PIAS2: variants seen among roughly 807,000 people sequenced by gnomAD.
The protein encoded by PIAS2 is protein inhibitor of activated STAT 2, also known as E3 SUMO-protein ligase PIAS2.
In PIAS2, 19 loss-of-function variants were observed where a neutral mutation model predicts 69.7. The ratio of observed to expected loss-of-function variants is 0.27; its 90% CI spans 0.19 to 0.40. The LOEUF (loss-of-function observed/expected upper bound fraction) is 0.40, where lower values mean the gene tolerates loss of function less well. PIAS2 is among the 10% of genes least tolerant of loss of function. The pLI is 1.00. For synonymous variants in PIAS2, 261 were observed against 263.2 expected, an observed-to-expected ratio of 0.99 and a Z score of 0.08; for missense variants, 624 against 757.0, an observed-to-expected ratio of 0.82 and a Z score of 2.06.
chr18:46,855,364 C>T lies in PIAS2; in HGVS notation c.707G>A (p.Gly236Glu). 1 of 1,606,748 alleles carries T rather than the reference C, an allele frequency of 6.2e-7. No homozygotes were observed. The highest frequency in any genetic ancestry group is 2.2e-5 in the East Asian group (1 of 44,810). The change falls in exon 5 of 14, where the codon GGG becomes GAG. Residue 236 changes from glycine to glutamate, a missense_variant. Gly to Glu is a moderately conservative substitution (Grantham distance 98, BLOSUM62 -2). Coordinates refer to ENST00000585916, the MANE Select transcript of PIAS2 (RefSeq NM_004671.5). ...YPNSLCIKVN[G>E]KLFPLPGYAP... ...ACTTACAGGCAAAGGAAATAGCTTCCCATTTACTTTTATACATAGACTATT... is the reference window on the plus strand; with the variant it reads ...ACTTACAGGCAAAGGAAATAGCTTCTCATTTACTTTTATACATAGACTATT...
intron 8 of PIAS2, among the ~76,000 whole-genome samples, chr18:46,841,943 G>A (rs2045455901): frequency 6.6e-6 from 1 of 152,134 alleles, no homozygotes; most frequent in African/African-American, 2.4e-5. Flanking sequence ...ATTATTGAAA[G>A]TTTGGCTAGG....
rs2040765072 is a variant in PIAS2, at chr18:46,807,410, TAG to T, written c.*5021_*5022del. 1.1e-4 allele frequency: 12 copies of T among 113,866 alleles called. No individual in the cohort carries two copies. The highest frequency in any genetic ancestry group is 4.6e-4 in the East Asian group (2 of 4,362). The allele number at this position is 113,866 out of a possible 1,614,324, so 7.1% of individuals were successfully genotyped here. On this transcript the variant is annotated 3_prime_UTR_variant, in exon 14 of 14. Transcript: ENST00000585916. ...TTTTTTTTTTTTTTTTTTTTTTTTT[TAG>T]AGAGTCTTGCTTTGTTACCCAGGCT...
chr18:46,831,155 T>C (rs1270134219), intron 9 of PIAS2, among the ~76,000 whole-genome samples: 137 of 152,184 alleles, frequency 9.0e-4, no homozygotes, highest in Non-Finnish European at 3.2e-4. Context: ...GAAAATCCTA[T>C]GTAATCTATA....
chr18:46,845,328 T>A (rs2046008878), intron 6 of PIAS2, among the ~76,000 whole-genome samples: 1 of 152,200 alleles, frequency 6.6e-6, no homozygotes, highest in African/African-American at 2.4e-5. Flanking sequence ...TCCAAAGTTC[T>A]AATTCTGGCA....
chr18:46,870,538 C>T (rs185258136), intron 2 of PIAS2, among the ~76,000 whole-genome samples: 448 of 142,004 alleles, frequency 3.2e-3, no homozygotes, highest in Non-Finnish European at 4.9e-3. Flanking sequence ...ATGGCGTGAA[C>T]CCAGGAGGTG....
chr18:46,891,449 G>A (rs564260487), intron 1 of PIAS2, among the ~76,000 whole-genome samples: 20 of 151,962 alleles, frequency 1.3e-4, no homozygotes, highest in Admixed American at 1.0e-3. Context: ...CAGAATTATC[G>A]CCAATTAACC....
chr18:46,870,971 A>G (rs2050273213), intron 2 of PIAS2, among the ~76,000 whole-genome samples: 1 of 152,172 alleles, frequency 6.6e-6, no homozygotes, highest in African/African-American at 2.4e-5. Flanking sequence ...CAGACCCAAG[A>G]TATTTCCTGA....
intron 2 of PIAS2, among the ~76,000 whole-genome samples, chr18:46,864,769 C>CAA (rs61248600): frequency 0.018 from 2,183 of 124,242 alleles, 56 homozygotes; most frequent in African/African-American, 0.059. Flanking sequence ...AACTCCATCT[C>CAA]AAAAAAAAAA....
Position 46,805,345 on chromosome 18 carries a change from T to C in PIAS2, c.*7088A>G, listed in dbSNP as rs940794491. On this transcript the variant is annotated 3_prime_UTR_variant, in exon 14 of 14. Coordinates refer to ENST00000585916, the MANE Select transcript of PIAS2 (RefSeq NM_004671.5). ...CCAATACCTCACAGACCAACTTGGA[T>C]AAATCATCTATAGAATGTTCAAGAT... is the stretch of plus-strand genomic sequence containing the variant. 1.3e-5 allele frequency: 2 copies of C among 152,172 alleles called. No individual in the cohort carries two copies. The highest frequency in any genetic ancestry group is 2.1e-4 in the South Asian group (1 of 4,832). 9.4% of individuals were successfully genotyped at this position (152,172 alleles called of 1,614,324 possible). A position where few individuals can be genotyped will look rare whatever the true frequency, so the allele number is the denominator to read the frequency against.
At position 46,806,352 on chromosome 18, in the gene PIAS2, A is replaced by ATTTTTTT. The variant is rs763051636; in HGVS notation, c.*6080_*6081insAAAAAAA. ...GAAAATTCTTTGCACAATGCCTGTT[A>ATTTTTTT]CTTTTTTTTTTTTTTTTTTTTTTTT... On this transcript the variant is annotated 3_prime_UTR_variant, in exon 14 of 14. Transcript: ENST00000585916. The ATTTTTTT allele has an allele frequency of 2.6e-4, 11 of 42,006 alleles. No homozygotes were observed. Among genetic ancestry groups the ATTTTTTT allele is most frequent in the Non-Finnish European group, 3.6e-4 (6 of 16,848 alleles). 2.6% of individuals were successfully genotyped at this position (42,006 alleles called of 1,614,324 possible).
At chr18:46,818,471 T>G in intron 12 of PIAS2, 1 of 1,550,178 alleles carries the variant, frequency 6.5e-7, no homozygotes, top group Non-Finnish European at 8.7e-7. Context: ...AGATTCATGT[T>G]TATGATGTTT....
rs1327140222 is a variant in PIAS2, at chr18:46,809,044, A to T, written c.*3389T>A. On this transcript the variant is annotated 3_prime_UTR_variant, in exon 14 of 14. Transcript: ENST00000585916. Reference sequence around the variant, plus strand: ...AACATCTGAAAGGTCTGAATGTCAAAGTCAGAACAGTCTCTGGTCAATCCT... The same window carrying T: ...AACATCTGAAAGGTCTGAATGTCAATGTCAGAACAGTCTCTGGTCAATCCT... 6.6e-6 allele frequency: 1 copy of T among 152,208 alleles called. No homozygotes were observed. Among genetic ancestry groups the T allele is most frequent in the Non-Finnish European group, 1.5e-5 (1 of 68,022 alleles). The allele number at this position is 152,208 out of a possible 1,614,324, so 9.4% of individuals were successfully genotyped here.
At chr18:46,918,369 C>T (rs539808741), upstream of PIAS2, among the ~76,000 whole-genome samples, 13 of 152,282 alleles carry the variant, frequency 8.5e-5, no homozygotes, top group South Asian at 2.7e-3. Flanking sequence ...TAATCAGCCT[C>T]CTACCTACCG....
intron 5 of PIAS2, 100 bp downstream of exon 5, chr18:46,855,245 T>G: frequency 2.8e-6 from 2 of 704,196 alleles, no homozygotes; most frequent in Non-Finnish European, 4.9e-6. Flanking sequence ...ATGCTAAAAC[T>G]GTTCACTGGT....
In PIAS2 at chr18:46,830,390, CAAAAG is replaced by C. The variant is rs1272459487; in HGVS notation, c.1203-528_1203-524del. Among the ~76,000 whole-genome samples the C allele has an allele frequency of 2.0e-5, 3 of 151,636 alleles. No individual in the cohort carries two copies. In the South Asian group the frequency reaches 6.2e-4, roughly 32 times the overall value. Reference sequence around the variant, plus strand: ...AAAACCTGAAAACTTGGAAACTAAACAAAAGAAACATGAGTCAAAGATAAAAATAA... The same window carrying C: ...AAAACCTGAAAACTTGGAAACTAAACAAACATGAGTCAAAGATAAAAATAA... On this transcript the variant is annotated intron_variant, in intron 9 of 13. Coordinates refer to ENST00000585916, the MANE Select transcript of PIAS2 (RefSeq NM_004671.5).
intron 3 of PIAS2, among the ~76,000 whole-genome samples, chr18:46,862,345 T>A (rs1269540204): frequency 2.6e-5 from 4 of 151,956 alleles, no homozygotes; most frequent in Non-Finnish European, 5.9e-5. Flanking sequence ...AAAAAAAAAA[T>A]TATGTAATTA....
intron 5 of PIAS2, among the ~76,000 whole-genome samples, chr18:46,849,807 T>A (rs2046696904): frequency 1.3e-5 from 2 of 152,220 alleles, no homozygotes; most frequent in Non-Finnish European, 2.9e-5. Flanking sequence ...ATTATCAACA[T>A]GTTGCCATTC....
At chr18:46,913,975 T>C (rs1441300970) in intron 1 of PIAS2, among the ~76,000 whole-genome samples, 18 of 152,196 alleles carry the variant, frequency 1.2e-4, no homozygotes, top group East Asian at 1.9e-4. Flanking sequence ...CAGACCATTT[T>C]TGGAGGAGGA....
At chr18:46,847,291 TA>T (rs1450365534) in intron 5 of PIAS2, among the ~76,000 whole-genome samples, 2 of 152,206 alleles carry the variant, frequency 1.3e-5, no homozygotes, top group East Asian at 3.8e-4. Flanking sequence ...ATTTCATTTT[TA>T]AAATCTGGTG....
Sources: gnomAD v4.1 joint callset for allele counts (sites outside exome capture counted in the v4.1 genomes callset) on GRCh38, gnomAD v4.1.1 for gene constraint, MANE v1.5 for transcripts, NCBI Gene and HGNC (gene_info 2026-07-23, HGNC 2026-07-21) for gene names.